Variants in IL1RAPL2 observed in about 807,000 individuals in gnomAD.
The protein encoded by IL1RAPL2 is interleukin 1 receptor accessory protein like 2, also known as X-linked interleukin-1 receptor accessory protein-like 2.
Under a neutral mutation model 44.1 loss-of-function variants are expected in IL1RAPL2, and 3 were observed. That is an observed-to-expected ratio of 0.07 (90% CI 0.03 to 0.18). IL1RAPL2 has a LOEUF of 0.18. Ranked by LOEUF, IL1RAPL2 falls within the 10% of genes least tolerant of loss-of-function variation. The probability of loss-of-function intolerance (pLI) is 1.00; values close to 1 mark genes in which losing one functional copy is unlikely to be tolerated. For missense variants in IL1RAPL2, 391 were observed against 496.4 expected (o/e 0.79, Z 2.02); for synonymous variants, 181 against 178.8 (o/e 1.01, Z -0.10).
chrX:105,407,119 C>A, intron 5 of IL1RAPL2: 1 of 521,007 alleles, frequency 1.9e-6, no homozygotes, highest in Non-Finnish European at 3.4e-6. Flanking sequence ...TCCACTCACT[C>A]AGTTGTCTAG....
rs188667620 is a variant in IL1RAPL2 at position 104,642,313 on chromosome X, A to G, written c.-19-16582A>G. On this transcript the variant is annotated intron_variant, in intron 1 of 10. Transcript: ENST00000372582. ...GGACATGAAATACTTCTAATCAGCC[A>G]TCTTGAAGCTCCTCCCTTAATTGTT... Among the ~76,000 whole-genome samples, 4 of 112,071 alleles carry G rather than the reference A, an allele frequency of 3.6e-5. No homozygotes were observed. The Admixed American group carries it at 3.8e-4, about 11-fold the overall frequency.
intron 2 of IL1RAPL2, among the ~76,000 whole-genome samples, chrX:105,138,675 A>C (rs1172162272): frequency 9.0e-6 from 1 of 111,348 alleles, no homozygotes; most frequent in African/African-American, 3.3e-5. Context: ...CAAAAGGTTC[A>C]TTCTGTTATT....
At chrX:104,725,440 A>G (rs1021295520) in intron 2 of IL1RAPL2, among the ~76,000 whole-genome samples, 1 of 111,495 alleles carries the variant, frequency 9.0e-6, no homozygotes, top group Non-Finnish European at 1.9e-5. Context: ...CTGGTTCTAG[A>G]TCCTTGAGGA....
intron 2 of IL1RAPL2, among the ~76,000 whole-genome samples, chrX:104,971,244 A>T (rs891439332): frequency 1.8e-5 from 2 of 110,975 alleles, no homozygotes; most frequent in Admixed American, 9.6e-5. Context: ...GCTACTCGGG[A>T]TGCTGAGACA....
At chrX:104,909,457 T>C (rs1358887317) in intron 2 of IL1RAPL2, among the ~76,000 whole-genome samples, 1 of 112,033 alleles carries the variant, frequency 8.9e-6, no homozygotes, top group African/African-American at 3.2e-5. Context: ...GTTCTGTTTT[T>C]TCCCCATCTT....
At chrX:105,666,082 GTTT>G (rs11296820) in intron 6 of IL1RAPL2, among the ~76,000 whole-genome samples, 2 of 98,674 alleles carry the variant, frequency 2.0e-5, no homozygotes, top group East Asian at 6.6e-4. Flanking sequence ...TTAAAAATGG[GTTT>G]TTTTTTTTTT....
intron 7 of IL1RAPL2, among the ~76,000 whole-genome samples, chrX:105,718,478 G>A (rs1041412773): frequency 9.0e-6 from 1 of 111,404 alleles, no homozygotes; most frequent in African/African-American, 3.3e-5. Context: ...AAGAGTCTAT[G>A]CAAAATATTT....
intron 5 of IL1RAPL2, among the ~76,000 whole-genome samples, chrX:105,455,489 A>G (rs1220551853): frequency 8.9e-6 from 1 of 111,838 alleles, no homozygotes; most frequent in Admixed American, 9.5e-5. Context: ...CCTTGTGTCT[A>G]TATTTGTATA....
chrX:105,162,745 T>C (rs2033337434), intron 2 of IL1RAPL2, among the ~76,000 whole-genome samples: 1 of 111,542 alleles, frequency 9.0e-6, no homozygotes, highest in South Asian at 3.8e-4. Context: ...ACTAAGTGTC[T>C]TGCAAACAGC....
intron 1 of IL1RAPL2, among the ~76,000 whole-genome samples, chrX:104,631,833 C>G (rs931460746): frequency 9.1e-6 from 1 of 110,193 alleles, no homozygotes; most frequent in African/African-American, 3.3e-5. Flanking sequence ...TGTGCAGAAG[C>G]TCTTTAGTTT....
chrX:105,692,823 T>C (rs906439866), intron 6 of IL1RAPL2, among the ~76,000 whole-genome samples: 3 of 111,478 alleles, frequency 2.7e-5, no homozygotes, highest in Non-Finnish European at 3.8e-5. Context: ...CCATTTTAGA[T>C]AGATTGCTCT....
At chrX:105,354,461 A>G (rs2035184529) in intron 5 of IL1RAPL2, among the ~76,000 whole-genome samples, 2 of 90,445 alleles carry the variant, frequency 2.2e-5, no homozygotes, top group Non-Finnish European at 4.2e-5. Flanking sequence ...GTGAGAACAC[A>G]TGGACACAGG....
chrX:104,785,653 T>G lies in IL1RAPL2; in HGVS notation c.82+126658T>G, dbSNP rs781208788. ...CAACCCCCACTGCTAGCATTTTAAA[T>G]GCCATTGACTTTATAAGGTGTCCCT... On this transcript the variant is annotated intron_variant, in intron 2 of 10. Transcript: ENST00000372582. Among the ~76,000 whole-genome samples, 5 of 111,777 alleles carry G rather than the reference T, an allele frequency of 4.5e-5. No individual in the cohort carries two copies. In the South Asian group the frequency reaches 1.9e-3, roughly 42 times the overall value.
intron 2 of IL1RAPL2, among the ~76,000 whole-genome samples, chrX:104,678,774 G>T (rs1360784234): frequency 1.8e-5 from 2 of 111,025 alleles, no homozygotes; most frequent in Non-Finnish European, 3.8e-5. Flanking sequence ...AGGAGAACAA[G>T]GAGAAAACAT....
chrX:104,866,465 G>A (rs1922617787), intron 2 of IL1RAPL2, among the ~76,000 whole-genome samples: 1 of 111,938 alleles, frequency 8.9e-6, no homozygotes, highest in Non-Finnish European at 1.9e-5. Context: ...GTCAAATTTG[G>A]CATACCACCT....
chrX:104,771,707 A>G (rs1441790529), intron 2 of IL1RAPL2, among the ~76,000 whole-genome samples: 1 of 111,521 alleles, frequency 9.0e-6, no homozygotes, highest in Admixed American at 9.6e-5. Flanking sequence ...TGAGAGAGAG[A>G]GAATATGTAT....
chrX:105,351,035 C>T (rs2035149738), intron 5 of IL1RAPL2, among the ~76,000 whole-genome samples: 1 of 112,101 alleles, frequency 8.9e-6, no homozygotes, highest in Admixed American at 9.5e-5. Flanking sequence ...CTCATCATCA[C>T]TGGTCATTAG....
intron 6 of IL1RAPL2, among the ~76,000 whole-genome samples, chrX:105,590,262 T>A (rs1384795427): frequency 9.0e-6 from 1 of 111,599 alleles, no homozygotes. Context: ...TTTTATGAAA[T>A]CTAGGATATT....
rs778980340 is a variant in IL1RAPL2, at chrX:104,971,696, T to C, written c.83-223779T>C. Among the ~76,000 whole-genome samples, 130 of 111,184 alleles carry C rather than the reference T, an allele frequency of 1.2e-3. 1 individual carries two copies. Among genetic ancestry groups the C allele is most frequent in the Non-Finnish European group, 2.2e-3 (117 of 53,005 alleles). ...GTTGGTGGCTAAATATTTTAGGGTTTCAGTTAGGTCGTTTTAGGGTTGACT... is the reference window on the plus strand; with the variant it reads ...GTTGGTGGCTAAATATTTTAGGGTTCCAGTTAGGTCGTTTTAGGGTTGACT... On this transcript the variant is annotated intron_variant, in intron 2 of 10. Coordinates refer to ENST00000372582, the MANE Select transcript of IL1RAPL2 (RefSeq NM_017416.2).
Sources: allele counts gnomAD v4.1 joint callset (sites outside exome capture counted in the v4.1 genomes callset), GRCh38; gene constraint gnomAD v4.1.1; transcripts MANE v1.5; gene names NCBI Gene and HGNC (gene_info 2026-07-23, HGNC 2026-07-21).